Variants in LIN9 observed in about 807,000 individuals in gnomAD.
LIN9 encodes the protein protein lin-9 homolog.
In LIN9, 18 loss-of-function variants were observed where a neutral mutation model predicts 78.0. The observed-to-expected ratio is 0.23, with a 90% confidence interval of 0.16 to 0.34. The LOEUF (loss-of-function observed/expected upper bound fraction) is 0.34. Among genes scored for constraint, LIN9 ranks in the 10% least tolerant of loss-of-function variants. LIN9 has a pLI of 1.00. For synonymous variants in LIN9, 192 were observed against 215.2 expected, an observed-to-expected ratio of 0.89 and a Z score of 0.94; for missense variants, 451 against 644.1, an observed-to-expected ratio of 0.70 and a Z score of 3.25.
chr1:226,258,019 T>C (rs930187075), intron 10 of LIN9, among the ~76,000 whole-genome samples: 7 of 151,978 alleles, frequency 4.6e-5, no homozygotes, highest in Admixed American at 2.0e-4. Context: ...CCCATGTCTA[T>C]ACAAAAAATA....
At chr1:226,292,607 CCAT>C (rs968021496) in intron 4 of LIN9, among the ~76,000 whole-genome samples, 5 of 151,972 alleles carry the variant, frequency 3.3e-5, no homozygotes, top group African/African-American at 7.2e-5. Context: ...GTGCCCACCA[CCAT>C]GCCTGGCTAA....
At chr1:226,273,903 T>C (rs1660469374) in intron 7 of LIN9, among the ~76,000 whole-genome samples, 1 of 150,204 alleles carries the variant, frequency 6.7e-6, no homozygotes, top group African/African-American at 2.5e-5. Context: ...AGTGGCGCAA[T>C]CTCGGCTCAC....
At chr1:226,301,147 A>T in intron 2 of LIN9, 26 bp downstream of exon 2, 1 of 1,563,566 alleles carries the variant, frequency 6.4e-7, no homozygotes, top group Non-Finnish European at 8.7e-7. Context: ...TAGCTATGGT[A>T]TACCTAAAAA....
At chr1:226,289,539 T>C (rs1260423570) in intron 4 of LIN9, among the ~76,000 whole-genome samples, 4 of 151,994 alleles carry the variant, frequency 2.6e-5, no homozygotes, top group Non-Finnish European at 5.9e-5. Context: ...ATTCATGCAT[T>C]TTTTGTGGAG....
intron 7 of LIN9, among the ~76,000 whole-genome samples, chr1:226,277,161 A>ATCCAGCCTAGGTGCAC (rs1321778737): frequency 2.6e-5 from 4 of 150,980 alleles, no homozygotes; most frequent in Non-Finnish European, 5.9e-5. Context: ...GTGAGCCAAG[A>ATCCAGCCTAGGTGCAC]TCCAGCCTAG....
rs1657352504 is a variant in LIN9, at chr1:226,231,816, CCT to C, written c.*683_*684del. On this transcript the variant is annotated 3_prime_UTR_variant, in exon 15 of 15. Coordinates refer to ENST00000681046, the MANE Select transcript of LIN9 (RefSeq NM_001366245.2). ...ATTTTTAGAAATTTAGCATTTTGCA[CCT>C]TTTTTCCCCCTGTTCCTTCATTTTC... The C allele has an allele frequency of 4.7e-6, 1 of 214,520 alleles. No homozygotes were observed. The highest frequency in any genetic ancestry group is 9.0e-6 in the Non-Finnish European group (1 of 110,960). 13.3% of individuals were successfully genotyped at this position (214,520 alleles called of 1,614,324 possible). A position where few individuals can be genotyped will look rare whatever the true frequency, so the allele number is the denominator to read the frequency against.
At chr1:226,285,610 A>C (rs1661341651) in intron 6 of LIN9, among the ~76,000 whole-genome samples, 2 of 152,174 alleles carry the variant, frequency 1.3e-5, no homozygotes, top group Non-Finnish European at 2.9e-5. Context: ...TCCAATTTTC[A>C]CTCAAAAGTA....
At chr1:226,263,566 C>T (rs1659729806) in intron 10 of LIN9, among the ~76,000 whole-genome samples, 1 of 152,184 alleles carries the variant, frequency 6.6e-6, no homozygotes, top group African/African-American at 2.4e-5. Context: ...TGATCTCTCT[C>T]AAACTCTCTC....
At chr1:226,297,909 A>C in intron 2 of LIN9, 96 bp from the exon 3 acceptor site, 1 of 474,856 alleles carries the variant, frequency 2.1e-6, no homozygotes, top group Non-Finnish European at 3.7e-6. Flanking sequence ...TATATCTAAA[A>C]TATTTAATAT....
intron 11 of LIN9, among the ~76,000 whole-genome samples, chr1:226,244,903 T>G (rs943107171): frequency 1.3e-5 from 2 of 152,238 alleles, no homozygotes; most frequent in African/African-American, 4.8e-5. Context: ...TCCTTCTTGA[T>G]GAACATTCAG....
chr1:226,273,235 T>C (rs1660419178), intron 7 of LIN9, among the ~76,000 whole-genome samples: 1 of 151,042 alleles, frequency 6.6e-6, no homozygotes, highest in Non-Finnish European at 1.5e-5. Context: ...TTTCCTGCCA[T>C]CTTTTTTTTT....
At chr1:226,293,985 T>C (rs767348099) in intron 4 of LIN9, among the ~76,000 whole-genome samples, 1 of 152,312 alleles carries the variant, frequency 6.6e-6, no homozygotes, top group South Asian at 2.1e-4. Context: ...GTAGGGTAGA[T>C]TGCTGGTCAT....
chr1:226,243,125 G>A (rs1658224631), intron 11 of LIN9, among the ~76,000 whole-genome samples: 1 of 152,198 alleles, frequency 6.6e-6, no homozygotes, highest in African/African-American at 2.4e-5. Flanking sequence ...AGGGTCAACT[G>A]TATTTGACTA....
At chr1:226,268,939 G>C (rs1425776107) in intron 7 of LIN9, among the ~76,000 whole-genome samples, 2 of 152,130 alleles carry the variant, frequency 1.3e-5, no homozygotes, top group Admixed American at 6.5e-5. Context: ...GAGTACATGT[G>C]CTGAGTATTC....
intron 14 of LIN9, 86 bp from the exon 15 acceptor site, chr1:226,232,692 G>A: frequency 1.4e-6 from 1 of 694,566 alleles, no homozygotes; most frequent in South Asian, 2.0e-5. Context: ...TTTTAGTTAG[G>A]AAACAGCTAT....
intron 10 of LIN9, among the ~76,000 whole-genome samples, chr1:226,259,977 GT>G (rs1271480399): frequency 1.3e-5 from 2 of 151,906 alleles, no homozygotes; most frequent in Non-Finnish European, 2.9e-5. Flanking sequence ...CCAAAAGCTG[GT>G]TGTTTAAAAA....
chr1:226,279,364 C>G (rs1660892522), intron 6 of LIN9, among the ~76,000 whole-genome samples: 1 of 151,388 alleles, frequency 6.6e-6, no homozygotes, highest in Non-Finnish European at 1.5e-5. Context: ...GAGGCTGAGG[C>G]CGGAGGATCA....
chr1:226,244,167 T>C (rs909114337), intron 11 of LIN9, among the ~76,000 whole-genome samples: 1 of 144,856 alleles, frequency 6.9e-6, no homozygotes, highest in African/African-American at 2.5e-5. Flanking sequence ...TGAGCCACCG[T>C]GCCTGGCCTA....
At chr1:226,266,378 C>A (rs758922706) in intron 8 of LIN9, 46 bp from the exon 9 acceptor site, 2 of 1,519,620 alleles carry the variant, frequency 1.3e-6, no homozygotes, top group Non-Finnish European at 8.9e-7. Flanking sequence ...ATTTACCAAT[C>A]ATTTAAGCTT....
Sources: gnomAD v4.1 joint callset for allele counts (sites outside exome capture counted in the v4.1 genomes callset) on GRCh38, gnomAD v4.1.1 for gene constraint, MANE v1.5 for transcripts, NCBI Gene and HGNC (gene_info 2026-07-23, HGNC 2026-07-21) for gene names.